Variants in RBM27 observed in about 807,000 individuals in gnomAD.
RBM27 encodes the protein RNA binding motif protein 27.
RBM27 carries 22 observed loss-of-function variants against 135.3 expected under a neutral mutation model. The ratio of observed to expected loss-of-function variants is 0.16; its 90% CI spans 0.12 to 0.23. RBM27 has a LOEUF of 0.23. Among genes scored for constraint, RBM27 ranks in the 10% least tolerant of loss-of-function variants. RBM27 has a pLI of 1.00. For missense variants in RBM27, 1,009 were observed against 1,281.0 expected (o/e 0.79, Z 3.24); for synonymous variants, 481 against 442.4 (o/e 1.09, Z -1.10).
At chr5:146,220,454 G>A (rs1756398991) in intron 2 of RBM27, among the ~76,000 whole-genome samples, 1 of 136,498 alleles carries the variant, frequency 7.3e-6, no homozygotes, top group Non-Finnish European at 1.5e-5. Flanking sequence ...CAGAATGGGC[G>A]ACTGAGCGAG....
Position 146,286,785 on chromosome 5 carries a change from T to A in RBM27, c.*755T>A, listed in dbSNP as rs914031558. 6.6e-6 allele frequency: 1 copy of A among 152,104 alleles called. No individual in the cohort carries two copies. Among genetic ancestry groups the A allele is most frequent in the Non-Finnish European group, 1.5e-5 (1 of 68,028 alleles). 9.4% of individuals were successfully genotyped at this position (152,104 alleles called of 1,614,324 possible). Reference sequence around the variant, plus strand: ...CTGGTTCGGCTGGTCTTTTTAAAAATTTTTATAACTCAGAATGTAAAAGGC... The same window carrying A: ...CTGGTTCGGCTGGTCTTTTTAAAAAATTTTATAACTCAGAATGTAAAAGGC... On this transcript the variant is annotated 3_prime_UTR_variant, in exon 21 of 21. Coordinates refer to ENST00000265271, the MANE Select transcript of RBM27 (RefSeq NM_018989.2).
chr5:146,229,952 A>T (rs749591778), intron 5 of RBM27, 42 bp downstream of exon 5: 61 of 1,602,282 alleles, frequency 3.8e-5, no homozygotes, highest in Non-Finnish European at 5.1e-5. Flanking sequence ...GTAGTTATTT[A>T]TCTGTCTCTA....
At chr5:146,246,831 A>T (rs1561545870) in intron 8 of RBM27, among the ~76,000 whole-genome samples, 1 of 150,946 alleles carries the variant, frequency 6.6e-6, no homozygotes, top group African/African-American at 2.4e-5. Context: ...TTCATCCATA[A>T]CCTACTCCTG....
chr5:146,207,689 C>G (rs1409089663), intron 1 of RBM27, among the ~76,000 whole-genome samples: 3 of 141,780 alleles, frequency 2.1e-5, no homozygotes, highest in African/African-American at 8.0e-5. Flanking sequence ...GACAGGGTCT[C>G]TGTCGCCCAG....
chr5:146,216,966 C>T (rs1756222157), intron 1 of RBM27, among the ~76,000 whole-genome samples: 1 of 151,208 alleles, frequency 6.6e-6, no homozygotes, highest in South Asian at 2.1e-4. Context: ...GAGTGACTCT[C>T]TGTCTATTTA....
intron 14 of RBM27, among the ~76,000 whole-genome samples, chr5:146,266,753 TAGAG>T (rs976881539): frequency 6.6e-6 from 1 of 151,960 alleles, no homozygotes; most frequent in Non-Finnish European, 1.5e-5. Flanking sequence ...CTAGGCAACA[TAGAG>T]AGACCCTATC....
chr5:146,257,710 T>C (rs1758170449), intron 10 of RBM27, among the ~76,000 whole-genome samples: 1 of 152,226 alleles, frequency 6.6e-6, no homozygotes, highest in South Asian at 2.1e-4. Context: ...TTTGGTGAAC[T>C]TCTTGTTGAA....
intron 3 of RBM27, among the ~76,000 whole-genome samples, chr5:146,224,212 T>C (rs1395676477): frequency 2.0e-5 from 3 of 152,150 alleles, no homozygotes; most frequent in Non-Finnish European, 2.9e-5. Flanking sequence ...GTAGTACTTA[T>C]TGAGGATTAA....
intron 2 of RBM27, among the ~76,000 whole-genome samples, chr5:146,220,606 A>G (rs186363177): frequency 1.3e-5 from 2 of 152,028 alleles, no homozygotes; most frequent in East Asian, 3.9e-4. Context: ...TAAAATAAGT[A>G]TTTACTGAGA....
intron 19 of RBM27, among the ~76,000 whole-genome samples, chr5:146,284,122 A>C (rs1759484106): frequency 6.6e-6 from 1 of 152,238 alleles, no homozygotes; most frequent in South Asian, 2.1e-4. Flanking sequence ...TTGAATGCAT[A>C]GATGAGCTGG....
chr5:146,240,182 C>T (rs149165289), intron 8 of RBM27, among the ~76,000 whole-genome samples: 3,231 of 151,692 alleles, frequency 0.021, 43 homozygotes, highest in Middle Eastern at 0.041. Flanking sequence ...TCTGTGCCCC[C>T]GTCATGGCTC....
chr5:146,265,419 A>G (rs1460292073), intron 14 of RBM27, among the ~76,000 whole-genome samples: 1 of 152,204 alleles, frequency 6.6e-6, no homozygotes, highest in African/African-American at 2.4e-5. Context: ...TAACAGGAAA[A>G]AAACCAAAAA....
At chr5:146,220,474 C>CAAAAAA (rs55722840) in intron 2 of RBM27, among the ~76,000 whole-genome samples, 1 of 115,376 alleles carries the variant, frequency 8.7e-6, no homozygotes, top group African/African-American at 3.4e-5. Context: ...GAGTCCATCT[C>CAAAAAA]AAAAAAAAAA....
At chr5:146,213,446 G>A (rs1358900768) in intron 1 of RBM27, among the ~76,000 whole-genome samples, 2 of 151,926 alleles carry the variant, frequency 1.3e-5, no homozygotes, top group African/African-American at 4.8e-5. Flanking sequence ...GAGATCAGGA[G>A]ATTTTTTTTT....
At chr5:146,282,751 A>ATGAC (rs888803116) in intron 19 of RBM27, among the ~76,000 whole-genome samples, 12 of 152,334 alleles carry the variant, frequency 7.9e-5, no homozygotes, top group African/African-American at 2.9e-4. Flanking sequence ...ACACCAAGTG[A>ATGAC]TGACTGTATG....
chr5:146,287,318 G>A lies in RBM27; in HGVS notation c.*1288G>A, dbSNP rs150720733. On this transcript the variant is annotated 3_prime_UTR_variant, in exon 21 of 21. Coordinates refer to ENST00000265271, the MANE Select transcript of RBM27 (RefSeq NM_018989.2). ...TTTACTGTACACTGTATAGAGTAGA[G>A]TATCTGTTAAGTAAAATATATATGT... 16 of 152,210 alleles carry A rather than the reference G, an allele frequency of 1.1e-4. No individual in the cohort carries two copies. The East Asian group carries it at 3.1e-3, about 29-fold the overall frequency. The allele number at this position is 152,210 out of a possible 1,614,324, so 9.4% of individuals were successfully genotyped here. A position where few individuals can be genotyped will look rare whatever the true frequency, so the allele number is the denominator to read the frequency against.
At chr5:146,231,146 C>CA (rs1172736984) in intron 6 of RBM27, among the ~76,000 whole-genome samples, 1 of 152,142 alleles carries the variant, frequency 6.6e-6, no homozygotes, top group East Asian at 1.9e-4. Flanking sequence ...CTCAGCCTCC[C>CA]AAGTAGCCTC....
chr5:146,222,539 C>T (rs761021132), intron 2 of RBM27, among the ~76,000 whole-genome samples: 1 of 152,146 alleles, frequency 6.6e-6, no homozygotes, highest in Non-Finnish European at 1.5e-5. Context: ...CAAAAATTAG[C>T]TGGGCGTGGT....
chr5:146,229,609 A>G, intron 4 of RBM27, 108 bp from the exon 5 acceptor site: 1 of 916,516 alleles, frequency 1.1e-6, no homozygotes, highest in South Asian at 2.0e-5. Flanking sequence ...TTTCTAAAAA[A>G]GCATAGATAT....
Sources: allele counts gnomAD v4.1 joint callset (sites outside exome capture counted in the v4.1 genomes callset), GRCh38; gene constraint gnomAD v4.1.1; transcripts MANE v1.5; gene names NCBI Gene and HGNC (gene_info 2026-07-23, HGNC 2026-07-21).